The following IL1RAPL2 variants were observed in gnomAD, a reference collection of about 807,000 sequenced individuals.
IL1RAPL2 encodes X-linked interleukin-1 receptor accessory protein-like 2.
IL1RAPL2 carries 3 observed loss-of-function variants against 44.1 expected under a neutral mutation model. The observed-to-expected ratio is 0.07, with a 90% CI of 0.03 to 0.18. IL1RAPL2 has a LOEUF of 0.18. IL1RAPL2 is among the 10% of genes least tolerant of loss of function. The pLI is 1.00. For synonymous variants in IL1RAPL2, 181 were observed against 178.8 expected (o/e 1.01, Z -0.10); for missense variants, 391 against 496.4 (o/e 0.79, Z 2.02).
chrX:105,522,042 C>G (rs771535201), intron 6 of IL1RAPL2, among the ~76,000 whole-genome samples: 9 of 112,029 alleles, frequency 8.0e-5, no homozygotes, highest in African/African-American at 2.9e-4. Flanking sequence ...ACAGCCTTCC[C>G]TAACATATAT....
intron 6 of IL1RAPL2, among the ~76,000 whole-genome samples, chrX:105,504,677 A>T (rs779816663): frequency 1.8e-5 from 2 of 112,061 alleles, no homozygotes; most frequent in Non-Finnish European, 3.8e-5. Flanking sequence ...TTAGCCAAAC[A>T]AATTGTGAAG....
At chrX:104,723,689 G>A (rs1422446887) in intron 2 of IL1RAPL2, among the ~76,000 whole-genome samples, 4 of 108,869 alleles carry the variant, frequency 3.7e-5, no homozygotes, top group Non-Finnish European at 7.7e-5. Context: ...GATTTGGATG[G>A]AAAAAAAAAT....
chrX:105,767,542 C>G lies in IL1RAPL2; in HGVS notation c.1942C>G (p.Leu648Val). The G allele has an allele frequency of 8.3e-7, 1 of 1,209,965 alleles. No individual in the cohort carries two copies. The highest frequency in any genetic ancestry group is 1.8e-5 in the South Asian group (1 of 56,941). The change falls in exon 11 of 11, where the codon CTA becomes GTA. Residue 648 changes from leucine to valine, a missense_variant. This residue lies in a region of IL1RAPL2 where 232 missense variants were observed against 244.8 expected (regional missense o/e 0.95). Coordinates refer to ENST00000372582, the MANE Select transcript of IL1RAPL2 (RefSeq NM_017416.2). Reference protein sequence around the residue: ...HHTYCNLPLTLLNGQLPLNNT... With the variant: ...HHTYCNLPLTVLNGQLPLNNT... ...TACTTATTGTAACCTGCCTCTGACG[C>G]TACTCAACGGACAGCTACCCCTTAA...
rs531914302 is a variant in IL1RAPL2 at position 105,103,880 on chromosome X, G to T, written c.83-91595G>T. Among the ~76,000 whole-genome samples the T allele has an allele frequency of 1.8e-4, 20 of 111,950 alleles. No individual in the cohort carries two copies. In the South Asian group the frequency reaches 6.8e-3, roughly 38 times the overall value. ...TGAGGGTAAGCTGAAGATAAAGGGT[G>T]TTCCTGGTCCCATAATAAAAGAGAA... On this transcript the variant is annotated intron_variant, in intron 2 of 10. Transcript: ENST00000372582.
At chrX:105,596,074 T>G (rs1474101821) in intron 6 of IL1RAPL2, among the ~76,000 whole-genome samples, 2 of 111,192 alleles carry the variant, frequency 1.8e-5, no homozygotes, top group African/African-American at 3.3e-5. Flanking sequence ...ATTTTATATT[T>G]TAAAAAACTC....
At chrX:104,653,196 C>A (rs988697394) in intron 1 of IL1RAPL2, among the ~76,000 whole-genome samples, 2 of 111,951 alleles carry the variant, frequency 1.8e-5, no homozygotes, top group Non-Finnish European at 3.8e-5. Context: ...AGACCTTCAG[C>A]TGGTGCCATC....
chrX:104,936,556 A>G (rs1823170007), intron 2 of IL1RAPL2, among the ~76,000 whole-genome samples: 1 of 109,371 alleles, frequency 9.1e-6, no homozygotes, highest in Admixed American at 9.9e-5. Context: ...AAGCAAAAAT[A>G]TTTCACAGGT....
intron 2 of IL1RAPL2, among the ~76,000 whole-genome samples, chrX:104,781,074 T>TTA (rs1555991586): frequency 3.6e-5 from 4 of 110,943 alleles, no homozygotes; most frequent in Middle Eastern, 4.7e-3. Flanking sequence ...GTTTTATTTT[T>TTA]TTTTTTGTTA....
chrX:104,868,097 G>C (rs747301565), intron 2 of IL1RAPL2, among the ~76,000 whole-genome samples: 4 of 111,587 alleles, frequency 3.6e-5, no homozygotes, highest in Non-Finnish European at 7.5e-5. Context: ...CAGAGGTAGA[G>C]AGATCTCTTA....
intron 6 of IL1RAPL2, among the ~76,000 whole-genome samples, chrX:105,652,178 GGTA>G (rs2147843575): frequency 9.0e-6 from 1 of 111,606 alleles, no homozygotes; most frequent in South Asian, 3.8e-4. Flanking sequence ...CTGACATGTA[GGTA>G]TGTTATATGC....
chrX:104,984,166 GAA>G (rs2030517672), intron 2 of IL1RAPL2, among the ~76,000 whole-genome samples: 1 of 111,923 alleles, frequency 8.9e-6, no homozygotes, highest in East Asian at 2.8e-4. Context: ...GCCAATGTAA[GAA>G]AATCTGCCAT....
chrX:105,208,493 C>G (rs190725050), intron 3 of IL1RAPL2, among the ~76,000 whole-genome samples: 1 of 111,576 alleles, frequency 9.0e-6, no homozygotes, highest in East Asian at 2.8e-4. Context: ...CTCACCACAC[C>G]GAAGAGTGAT....
intron 6 of IL1RAPL2, among the ~76,000 whole-genome samples, chrX:105,547,054 C>T (rs371053018): frequency 4.5e-5 from 5 of 112,055 alleles, no homozygotes; most frequent in East Asian, 5.6e-4. Context: ...ATTTCAGCTG[C>T]CTTTTATAGA....
chrX:105,693,654 GA>G (rs1217128145), intron 6 of IL1RAPL2, among the ~76,000 whole-genome samples: 1 of 111,531 alleles, frequency 9.0e-6, no homozygotes, highest in Non-Finnish European at 1.9e-5. Flanking sequence ...GACTAACACA[GA>G]CCTTGAGTTG....
intron 5 of IL1RAPL2, among the ~76,000 whole-genome samples, chrX:105,431,411 A>G (rs1366424057): frequency 9.0e-6 from 1 of 111,046 alleles, no homozygotes; most frequent in Non-Finnish European, 1.9e-5. Flanking sequence ...GATAGTGGCA[A>G]CCTTCTGTAT....
At chrX:104,894,699 C>T (rs1202399667) in intron 2 of IL1RAPL2, among the ~76,000 whole-genome samples, 1 of 111,546 alleles carries the variant, frequency 9.0e-6, no homozygotes, top group Non-Finnish European at 1.9e-5. Context: ...AATCTTTTTT[C>T]CAGGTTTTTA....
At chrX:105,413,164 T>G (rs370914780) in intron 5 of IL1RAPL2, among the ~76,000 whole-genome samples, 31 of 112,163 alleles carry the variant, frequency 2.8e-4, no homozygotes, top group African/African-American at 1.0e-3. Context: ...TTATAAAATA[T>G]CAAATTGATT....
chrX:104,816,403 G>A (rs764344705), intron 2 of IL1RAPL2, among the ~76,000 whole-genome samples: 11 of 112,036 alleles, frequency 9.8e-5, no homozygotes, highest in Non-Finnish European at 1.7e-4. Flanking sequence ...TCCAATAATT[G>A]TACATAGAGG....
intron 2 of IL1RAPL2, among the ~76,000 whole-genome samples, chrX:104,967,505 C>T (rs756756508): frequency 2.2e-5 from 2 of 92,672 alleles, no homozygotes; most frequent in Admixed American, 1.2e-4. Flanking sequence ...AGCAAAAGAA[C>T]AAAATAAACA....
Sources: allele counts gnomAD v4.1 joint callset (sites outside exome capture counted in the v4.1 genomes callset), GRCh38; gene constraint gnomAD v4.1.1; regional missense constraint gnomAD v4.1.1; transcripts MANE v1.5; gene names NCBI Gene and HGNC (gene_info 2026-07-23, HGNC 2026-07-21).